CLSTN2: variants seen among roughly 807,000 people sequenced by gnomAD.
CLSTN2 encodes calsyntenin-2.
Under a neutral mutation model 101.2 loss-of-function variants are expected in CLSTN2, and 48 were observed. The observed-to-expected ratio is 0.47, with a 90% CI of 0.38 to 0.60. The LOEUF (loss-of-function observed/expected upper bound fraction) is 0.60, where lower values mean the gene tolerates loss of function less well. CLSTN2 is among the 20% of genes least tolerant of loss of function. The pLI is 0.00. For missense variants in CLSTN2, 1,160 were observed against 1,238.2 expected (o/e 0.94, Z 0.95); for synonymous variants, 481 against 463.6 (o/e 1.04, Z -0.48).
intron 2 of CLSTN2, among the ~76,000 whole-genome samples, chr3:140,183,133 C>A (rs1211446095): frequency 6.6e-6 from 1 of 152,156 alleles, no homozygotes; most frequent in Non-Finnish European, 1.5e-5. Context: ...ACCCATGCAC[C>A]AGTGACCCTT....
chr3:140,025,123 A>G (rs2007391832), intron 1 of CLSTN2, among the ~76,000 whole-genome samples: 1 of 152,108 alleles, frequency 6.6e-6, no homozygotes, highest in African/African-American at 2.4e-5. Flanking sequence ...CTTTCCCTTC[A>G]GCTCCCCATT....
At chr3:140,446,225 C>G (rs976072503) in intron 5 of CLSTN2, among the ~76,000 whole-genome samples, 12 of 152,160 alleles carry the variant, frequency 7.9e-5, no homozygotes, top group Non-Finnish European at 1.5e-4. Flanking sequence ...GCTGCAGCAA[C>G]TTCATGATCT....
chr3:140,380,289 A>G (rs2087965313), intron 2 of CLSTN2, among the ~76,000 whole-genome samples: 1 of 152,156 alleles, frequency 6.6e-6, no homozygotes, highest in Non-Finnish European at 1.5e-5. Flanking sequence ...CCCTGGTGGA[A>G]GGGGAGGCAG....
At chr3:140,554,000 CAG>C (rs10601613) in intron 10 of CLSTN2, among the ~76,000 whole-genome samples, 26,315 of 152,062 alleles carry the variant, frequency 0.17, 2,986 homozygotes, top group African/African-American at 0.32. Context: ...ATTTGTCTAA[CAG>C]GGGCTTTCAG....
In CLSTN2 at chr3:140,459,398, T is replaced by C. The variant is rs1933498819; in HGVS notation, c.974-123T>C. 3.6e-6 allele frequency: 4 copies of C among 1,102,424 alleles called. No homozygotes were observed. The South Asian group carries it at 5.8e-5, about 16-fold the overall frequency. The allele number at this position is 1,102,424 out of a possible 1,614,324, so 68.3% of individuals were successfully genotyped here. On this transcript the variant is annotated intron_variant, in intron 6 of 16. Coordinates refer to ENST00000458420, the MANE Select transcript of CLSTN2 (RefSeq NM_022131.3). ...CACTTCTTTTCCTAAGTCACATAGC[T>C]CATGGTTAGGCACAGACGTCTCTGA...
chr3:140,446,960 G>A (rs1182912413), intron 5 of CLSTN2, among the ~76,000 whole-genome samples: 1 of 152,108 alleles, frequency 6.6e-6, no homozygotes, highest in Non-Finnish European at 1.5e-5. Context: ...AGCAGAGCCT[G>A]GCACATAGAA....
chr3:139,953,114 G>A (rs759582815), intron 1 of CLSTN2, among the ~76,000 whole-genome samples: 1 of 152,130 alleles, frequency 6.6e-6, no homozygotes, highest in Non-Finnish European at 1.5e-5. Context: ...GGGAATGTGA[G>A]CTTTGGGTTC....
In CLSTN2 at chr3:140,403,194, T is replaced by C. The variant is rs2088262895; in HGVS notation, c.233-435T>C. On this transcript the variant is annotated intron_variant, in intron 2 of 16. Coordinates refer to ENST00000458420, the MANE Select transcript of CLSTN2 (RefSeq NM_022131.3). ...TCAGGCTCCACAGGGGCTCTGGAAC[T>C]CTGGAACTCACATAGACTCACGCCC... 2.0e-5 allele frequency among the ~76,000 whole-genome samples: 3 copies of C among 152,350 alleles called. No individual in the cohort carries two copies. The South Asian group carries it at 6.2e-4, about 32-fold the overall frequency.
chr3:140,185,402 TCCAAGCTTAA>T (rs1257581194), intron 2 of CLSTN2, among the ~76,000 whole-genome samples: 1 of 152,146 alleles, frequency 6.6e-6, no homozygotes, highest in African/African-American at 2.4e-5. Flanking sequence ...CTCAACAAGC[TCCAAGCTTAA>T]AGACATTCTG....
At chr3:140,454,269 A>C (rs1933336673) in intron 6 of CLSTN2, 1 of 152,186 alleles carries the variant, frequency 6.6e-6, no homozygotes, top group Non-Finnish European at 1.5e-5. Context: ...CAGTGACAAA[A>C]ACATACCAAG....
At chr3:140,148,949 G>T (rs375454869) in intron 1 of CLSTN2, among the ~76,000 whole-genome samples, 1 of 152,142 alleles carries the variant, frequency 6.6e-6, no homozygotes, top group Non-Finnish European at 1.5e-5. Flanking sequence ...GGTTTACTAT[G>T]GGGGAGAGGC....
At chr3:140,291,404 A>G (rs1257968812) in intron 2 of CLSTN2, among the ~76,000 whole-genome samples, 4 of 149,630 alleles carry the variant, frequency 2.7e-5, no homozygotes, top group East Asian at 2.1e-4. Context: ...TCCCCCCCCA[A>G]CTTTCTGCTG....
chr3:140,415,874 C>T (rs2088426810), intron 4 of CLSTN2, among the ~76,000 whole-genome samples: 1 of 152,004 alleles, frequency 6.6e-6, no homozygotes, highest in East Asian at 1.9e-4. Context: ...GGAAAATAAT[C>T]CAGTATCTTG....
intron 1 of CLSTN2, among the ~76,000 whole-genome samples, chr3:140,141,706 C>G (rs78889772): frequency 6.6e-6 from 1 of 152,202 alleles, no homozygotes; most frequent in Non-Finnish European, 1.5e-5. Flanking sequence ...AACCCAGCCT[C>G]TAGCCCTCCT....
intron 1 of CLSTN2, among the ~76,000 whole-genome samples, chr3:140,124,323 C>T (rs1192897094): frequency 2.6e-5 from 4 of 152,052 alleles, no homozygotes; most frequent in Non-Finnish European, 5.9e-5. Context: ...TTAGTATTAC[C>T]ATGTGAAGCC....
chr3:140,520,741 T>C (rs141469662), intron 8 of CLSTN2, among the ~76,000 whole-genome samples: 78 of 152,310 alleles, frequency 5.1e-4, no homozygotes, highest in African/African-American at 1.8e-3. Context: ...CTGGATGATA[T>C]CCTCAAGTAT....
At chr3:140,413,906 T>C (rs2088395836) in intron 4 of CLSTN2, among the ~76,000 whole-genome samples, 1 of 152,050 alleles carries the variant, frequency 6.6e-6, no homozygotes, top group South Asian at 2.1e-4. Context: ...TTCAACACAA[T>C]AAAGACTGTA....
At chr3:140,081,149 C>T (rs1207859142) in intron 1 of CLSTN2, among the ~76,000 whole-genome samples, 1 of 152,186 alleles carries the variant, frequency 6.6e-6, no homozygotes, top group African/African-American at 2.4e-5. Context: ...TGATGGTTCT[C>T]TGCAAGAAAA....
At chr3:140,511,565 T>A (rs907955128) in intron 8 of CLSTN2, among the ~76,000 whole-genome samples, 4 of 143,572 alleles carry the variant, frequency 2.8e-5, no homozygotes, top group Admixed American at 1.4e-4. Context: ...TTTTTTTTTT[T>A]TTGAGACAGA....
Sources: gnomAD v4.1 joint callset for allele counts (sites outside exome capture counted in the v4.1 genomes callset) on GRCh38, gnomAD v4.1.1 for gene constraint, MANE v1.5 for transcripts, NCBI Gene and HGNC (gene_info 2026-07-23, HGNC 2026-07-21) for gene names.